The following PARD3B variants were observed in gnomAD, a reference collection of about 807,000 sequenced individuals.
PARD3B encodes partitioning defective 3 homolog B.
In PARD3B, 103 loss-of-function variants were observed where a neutral mutation model predicts 130.2. That is an observed-to-expected ratio of 0.79 (90% CI 0.67 to 0.93). The LOEUF is 0.93. Ranked by LOEUF, PARD3B falls within the 40% of genes least tolerant of loss-of-function variation. The pLI is 0.00. For missense variants in PARD3B, 1,609 were observed against 1,499.2 expected, an observed-to-expected ratio of 1.07 and a Z score of -1.21; for synonymous variants, 583 against 553.2, an observed-to-expected ratio of 1.05 and a Z score of -0.76.
At chr2:205,549,914 AT>A (rs935704156) in intron 21 of PARD3B, among the ~76,000 whole-genome samples, 1 of 152,066 alleles carries the variant, frequency 6.6e-6, no homozygotes, top group African/African-American at 2.4e-5. Flanking sequence ...TGCCGCCTAA[AT>A]TTTTTTGTGA....
intron 20 of PARD3B, among the ~76,000 whole-genome samples, chr2:205,452,450 A>G (rs2048132748): frequency 6.6e-6 from 1 of 152,234 alleles, no homozygotes; most frequent in African/African-American, 2.4e-5. Context: ...TCACATTTCA[A>G]TGTGGGAATC....
At chr2:205,466,746 C>G (rs539331079) in intron 20 of PARD3B, among the ~76,000 whole-genome samples, 3 of 152,176 alleles carry the variant, frequency 2.0e-5, no homozygotes, top group Non-Finnish European at 4.4e-5. Flanking sequence ...AAGTCTCGCT[C>G]TTGTTGCCCA....
At chr2:205,531,505 T>G (rs542356731) in intron 21 of PARD3B, among the ~76,000 whole-genome samples, 32 of 152,310 alleles carry the variant, frequency 2.1e-4, no homozygotes, top group Admixed American at 3.9e-4. Flanking sequence ...TCTTGCTCTC[T>G]AAATCCAATT....
At chr2:205,025,517 T>C (rs1276601101) in intron 3 of PARD3B, among the ~76,000 whole-genome samples, 4 of 152,214 alleles carry the variant, frequency 2.6e-5, no homozygotes, top group African/African-American at 4.8e-5. Flanking sequence ...GTTTTCTTTC[T>C]GAAGTGTTAC....
intron 11 of PARD3B, among the ~76,000 whole-genome samples, chr2:205,169,212 G>A (rs1412883604): frequency 6.6e-6 from 1 of 152,124 alleles, no homozygotes; most frequent in African/African-American, 2.4e-5. Flanking sequence ...GACCAGCCAA[G>A]CCTGACAGTG....
intron 1 of PARD3B, among the ~76,000 whole-genome samples, chr2:204,617,831 A>G (rs571476766): frequency 4.6e-5 from 7 of 152,316 alleles, no homozygotes; most frequent in Admixed American, 2.6e-4. Flanking sequence ...GTTGCTTAGG[A>G]TAATGGCCTC....
At chr2:204,679,226 T>G (rs1446178085) in intron 1 of PARD3B, among the ~76,000 whole-genome samples, 1 of 152,222 alleles carries the variant, frequency 6.6e-6, no homozygotes, top group African/African-American at 2.4e-5. Context: ...TCCAGATTTT[T>G]AGGTATTAAA....
intron 16 of PARD3B, among the ~76,000 whole-genome samples, chr2:205,298,225 A>T (rs373522136): frequency 3.9e-5 from 6 of 152,192 alleles, no homozygotes; most frequent in African/African-American, 1.4e-4. Flanking sequence ...TCATGTTTTC[A>T]CTAAACTTCA....
intron 2 of PARD3B, among the ~76,000 whole-genome samples, chr2:204,743,893 C>A (rs570149382): frequency 2.6e-5 from 4 of 152,088 alleles, no homozygotes; most frequent in Admixed American, 2.6e-4. Flanking sequence ...ATTTCTTTCA[C>A]TGAGAAGTAT....
chr2:205,570,198 C>T (rs936139517), intron 22 of PARD3B, among the ~76,000 whole-genome samples: 28 of 152,122 alleles, frequency 1.8e-4, no homozygotes, highest in African/African-American at 5.8e-4. Flanking sequence ...CCCTCAAATT[C>T]TCTGAAGTTA....
intron 19 of PARD3B, among the ~76,000 whole-genome samples, chr2:205,411,368 AG>A (rs1476151057): frequency 6.6e-6 from 1 of 152,202 alleles, no homozygotes; most frequent in Non-Finnish European, 1.5e-5. Context: ...CAACTAATGT[AG>A]GTGATGGCCC....
intron 1 of PARD3B, among the ~76,000 whole-genome samples, chr2:204,634,797 A>G (rs1431149570): frequency 6.6e-6 from 1 of 152,186 alleles, no homozygotes; most frequent in Non-Finnish European, 1.5e-5. Context: ...ATTAGTGGCC[A>G]TAGATGATCA....
rs761018109 is a variant in PARD3B at position 205,168,288 on chromosome 2, G to GGAGAGAGAGAGAGAGA, written c.1621-3905_1621-3890dup. Among the ~76,000 whole-genome samples, 779 of 126,746 alleles carry GGAGAGAGAGAGAGAGA rather than the reference G, an allele frequency of 6.1e-3. 3 individuals are homozygous for GGAGAGAGAGAGAGAGA. Among genetic ancestry groups the GGAGAGAGAGAGAGAGA allele is most frequent in the East Asian group, 0.011 (43 of 4,092 alleles). The allele number at this position is 126,746 out of a possible 152,430, so 83.2% of individuals were successfully genotyped here. A position where few individuals can be genotyped will look rare whatever the true frequency, so the allele number is the denominator to read the frequency against. ...AGAGGAAGAAAAAGGGGTGAGAAAG[G>GGAGAGAGAGAGAGAGA]GAGAGAGAGAGAGAGAGAGAGAGAG... On this transcript the variant is annotated intron_variant, in intron 11 of 22. Coordinates refer to ENST00000406610, the MANE Select transcript of PARD3B (RefSeq NM_001302769.2).
At chr2:204,603,806 T>C (rs2033607275) in intron 1 of PARD3B, among the ~76,000 whole-genome samples, 1 of 152,158 alleles carries the variant, frequency 6.6e-6, no homozygotes, top group Admixed American at 6.5e-5. Flanking sequence ...GAGTGCTTCA[T>C]GTTTGTGTGA....
At chr2:205,423,576 T>C (rs1446561536) in intron 19 of PARD3B, among the ~76,000 whole-genome samples, 2 of 152,196 alleles carry the variant, frequency 1.3e-5, no homozygotes, top group African/African-American at 4.8e-5. Flanking sequence ...AAGCCAAAAA[T>C]GGCAAGCCTA....
rs11329569 is a variant in PARD3B, at chr2:205,176,642, TAAAAA to T, written c.1924+76_1924+80del. ...GAAAACACAAAAGTGTCTTTTTATC[TAAAAA>T]AAAAAAAAAAGAGTAAAGGGGAGTT... On this transcript the variant is annotated intron_variant, in intron 13 of 22. Transcript: ENST00000406610. This position sits in a 1 kb window ranked among gnomAD's most constrained non-coding sequence, Gnocchi z 5.3. 11 of 1,169,356 alleles carry T rather than the reference TAAAAA, an allele frequency of 9.4e-6. No homozygotes were observed. Among genetic ancestry groups the T allele is most frequent in the South Asian group, 2.0e-5 (1 of 49,074 alleles). The allele number at this position is 1,169,356 out of a possible 1,614,324, so 72.4% of individuals were successfully genotyped here.
At chr2:204,883,450 TATATA>T (rs2046145103) in intron 2 of PARD3B, among the ~76,000 whole-genome samples, 3 of 112,086 alleles carry the variant, frequency 2.7e-5, no homozygotes, top group South Asian at 2.5e-4. Context: ...TATATATATA[TATATA>T]TTTTTTTTTT....
chr2:205,346,172 A>T (rs1004576536), intron 18 of PARD3B, among the ~76,000 whole-genome samples: 5 of 132,310 alleles, frequency 3.8e-5, no homozygotes, highest in African/African-American at 1.3e-4. Context: ...ACTCCGTCTC[A>T]AAATAAATAA....
At chr2:204,912,297 C>T (rs185325837) in intron 2 of PARD3B, among the ~76,000 whole-genome samples, 1 of 152,178 alleles carries the variant, frequency 6.6e-6, no homozygotes, top group African/African-American at 2.4e-5. Flanking sequence ...GGTAAAATTA[C>T]TGAAGACTTT....
Sources: allele counts gnomAD v4.1 joint callset (sites outside exome capture counted in the v4.1 genomes callset), GRCh38; gene constraint gnomAD v4.1.1; non-coding constraint Gnocchi (gnomAD v3.1); transcripts MANE v1.5; gene names NCBI Gene and HGNC (gene_info 2026-07-23, HGNC 2026-07-21).